The following CRACD variants were observed in gnomAD, a reference collection of about 807,000 sequenced individuals.
CRACD encodes capping protein inhibiting regulator of actin dynamics.
In CRACD, 56 loss-of-function variants were observed where a neutral mutation model predicts 106.8. The observed-to-expected ratio is 0.52, with a 90% CI of 0.42 to 0.66. The LOEUF (loss-of-function observed/expected upper bound fraction) is 0.66. Among genes scored for constraint, CRACD ranks in the 30% least tolerant of loss-of-function variants. CRACD has a pLI of 0.00. For missense variants in CRACD, 1,730 were observed against 1,623.2 expected (o/e 1.07, Z -1.13); for synonymous variants, 754 against 670.8 (o/e 1.12, Z -1.92).
intron 4 of CRACD, 46 bp downstream of exon 4, chr4:56,298,395 G>A: frequency 6.2e-7 from 1 of 1,604,494 alleles, no homozygotes; most frequent in South Asian, 1.1e-5. Flanking sequence ...GAGGGGCCCA[G>A]TTATGAAGGG....
chr4:56,243,133 A>G lies in CRACD; in HGVS notation c.-188-29188A>G, dbSNP rs192222440. Among the ~76,000 whole-genome samples the G allele has an allele frequency of 3.3e-5, 5 of 152,292 alleles. No individual in the cohort carries two copies. The East Asian group carries it at 9.6e-4, about 29-fold the overall frequency. On this transcript the variant is annotated intron_variant, in intron 2 of 10. Coordinates refer to ENST00000682029, the MANE Select transcript of CRACD (RefSeq NM_001393381.1). ...GAGTCTGCCTCTTCCAGATTCCCCT[A>G]CAGTGGGCTGTGTCCACCAGCTAAA... is the stretch of plus-strand genomic sequence containing the variant.
At chr4:56,145,199 A>G (rs1735340062) in intron 1 of CRACD, among the ~76,000 whole-genome samples, 1 of 152,162 alleles carries the variant, frequency 6.6e-6, no homozygotes, top group Non-Finnish European at 1.5e-5. Flanking sequence ...CAAGTGCTCC[A>G]TATTCATATT....
intron 1 of CRACD, among the ~76,000 whole-genome samples, chr4:56,112,596 G>A (rs887362541): frequency 6.6e-6 from 1 of 152,032 alleles, no homozygotes; most frequent in Non-Finnish European, 1.5e-5. Flanking sequence ...TTCATCCCTC[G>A]GCTCCCCCTG....
At chr4:56,279,916 G>A (rs976002449) in intron 3 of CRACD, among the ~76,000 whole-genome samples, 35 of 152,008 alleles carry the variant, frequency 2.3e-4, no homozygotes, top group East Asian at 1.9e-3. Context: ...ATGATAGACT[G>A]GATTAAGAAA....
chr4:56,315,506 G>C lies in CRACD; in HGVS notation c.2004G>C (p.Trp668Cys), dbSNP rs1745558003. ...GCAGCGCGTCCGCACTCGCAGAATG[G>C]GCTTCCATTCGGTCCAGAATCCTGA... ...SPSSASALAE[W>C]ASIRSRILKN... The change falls in exon 8 of 11, where the codon TGG (tryptophan) becomes TGC (cysteine). Residue 668 changes from tryptophan (W) to cysteine (C), a missense_variant. Coordinates refer to ENST00000682029, the MANE Select transcript of CRACD (RefSeq NM_001393381.1). This position sits in a 1 kb window ranked among gnomAD's most constrained non-coding sequence, Gnocchi z 4.1. The C allele has an allele frequency of 6.2e-7, 1 of 1,613,758 alleles. No individual in the cohort carries two copies. Among genetic ancestry groups the C allele is most frequent in the South Asian group, 1.1e-5 (1 of 91,084 alleles).
At chr4:56,146,624 A>G (rs1735391558) in intron 1 of CRACD, among the ~76,000 whole-genome samples, 1 of 145,354 alleles carries the variant, frequency 6.9e-6, no homozygotes, top group East Asian at 2.0e-4. Context: ...TAAAAATCTC[A>G]CCCTGACGGC....
At chr4:56,191,693 C>T (rs888611573) in intron 2 of CRACD, among the ~76,000 whole-genome samples, 17 of 152,194 alleles carry the variant, frequency 1.1e-4, no homozygotes, top group African/African-American at 3.4e-4. Context: ...GCAGTCAGGG[C>T]GTTTGCCTCC....
intron 1 of CRACD, among the ~76,000 whole-genome samples, chr4:56,081,121 G>A (rs1733006813): frequency 6.6e-6 from 1 of 152,184 alleles, no homozygotes; most frequent in South Asian, 2.1e-4. Context: ...GCCACCCAAG[G>A]TGTTGGGATT....
chr4:56,315,834 A>T lies in CRACD; in HGVS notation c.2332A>T (p.Met778Leu). 6.2e-7 allele frequency: 1 copy of T among 1,614,176 alleles called. No individual in the cohort carries two copies. The highest frequency in any genetic ancestry group is 1.1e-5 in the South Asian group (1 of 91,082). Residue 778 changes from methionine to leucine, a missense_variant, in exon 8 of 11, where the codon ATG becomes TTG. Around this residue, in one of 5 missense-constraint regions of CRACD, gnomAD observed 1,620 missense variants for 1,481.6 expected, o/e 1.09. Coordinates refer to ENST00000682029, the MANE Select transcript of CRACD (RefSeq NM_001393381.1). The surrounding 1 kb of genome is among the most constrained non-coding windows in gnomAD (Gnocchi z 4.1). ...ELGKGPEKSEMHREPADTTEG... is the reference protein window; with the variant it reads ...ELGKGPEKSELHREPADTTEG... ...CGGGAAGGGTCCGGAGAAGTCGGAG[A>T]TGCACCGGGAGCCCGCAGACACCAC...
intron 7 of CRACD, among the ~76,000 whole-genome samples, 197 bp downstream of exon 7, chr4:56,313,576 C>T (rs1361785296): frequency 5.3e-5 from 8 of 152,192 alleles, no homozygotes; most frequent in Admixed American, 5.2e-4. Context: ...GGCTGGTGGA[C>T]CTCAGAGGGA....
intron 1 of CRACD, among the ~76,000 whole-genome samples, chr4:56,108,461 G>A (rs1294012707): frequency 6.6e-6 from 1 of 152,308 alleles, no homozygotes; most frequent in African/African-American, 2.4e-5. Context: ...GTCATGTAGG[G>A]ACAAGCCCTA....
chr4:56,092,437 T>C (rs931150904), intron 1 of CRACD, among the ~76,000 whole-genome samples: 2 of 152,148 alleles, frequency 1.3e-5, no homozygotes, highest in South Asian at 2.1e-4. Context: ...CTAGTCCAAA[T>C]TGAAGCATTC....
chr4:56,134,527 T>C (rs897216738), intron 1 of CRACD, among the ~76,000 whole-genome samples: 1 of 152,218 alleles, frequency 6.6e-6, no homozygotes, highest in Non-Finnish European at 1.5e-5. Flanking sequence ...CAAGCAGCTC[T>C]GTCTGAGAGA....
chr4:56,256,107 A>G (rs1391134065), intron 2 of CRACD, among the ~76,000 whole-genome samples: 1 of 152,190 alleles, frequency 6.6e-6, no homozygotes, highest in Non-Finnish European at 1.5e-5. Context: ...AACTACTGAT[A>G]TGGTTTGGCT....
At chr4:56,089,825 G>A (rs1380251029) in intron 1 of CRACD, among the ~76,000 whole-genome samples, 1 of 152,008 alleles carries the variant, frequency 6.6e-6, no homozygotes, top group African/African-American at 2.4e-5. Flanking sequence ...AGGATTTTAT[G>A]GTCTGTGACA....
chr4:56,092,714 A>T (rs1733462349), intron 1 of CRACD, among the ~76,000 whole-genome samples: 1 of 151,954 alleles, frequency 6.6e-6, no homozygotes. Flanking sequence ...TGATCCTCCC[A>T]CTTCAGTCTT....
intron 1 of CRACD, among the ~76,000 whole-genome samples, chr4:56,075,846 A>G (rs1362166084): frequency 1.3e-5 from 2 of 152,198 alleles, no homozygotes; most frequent in African/African-American, 4.8e-5. Flanking sequence ...ATACTCTGTC[A>G]TATGGGTTTA....
intron 2 of CRACD, among the ~76,000 whole-genome samples, chr4:56,222,780 T>C (rs1043161075): frequency 6.6e-6 from 1 of 151,488 alleles, no homozygotes; most frequent in Non-Finnish European, 1.5e-5. Context: ...CCATCTCTAC[T>C]GAAAAACAAA....
intron 10 of CRACD, among the ~76,000 whole-genome samples, chr4:56,326,708 G>A (rs1199461244): frequency 1.3e-5 from 2 of 151,890 alleles, no homozygotes; most frequent in Admixed American, 1.3e-4. Context: ...CAGAGGTAGA[G>A]GCACCCAGTG....
Sources: allele counts gnomAD v4.1 joint callset (sites outside exome capture counted in the v4.1 genomes callset), GRCh38; gene constraint gnomAD v4.1.1; regional missense constraint gnomAD v4.1.1; non-coding constraint Gnocchi (gnomAD v3.1); transcripts MANE v1.5; gene names NCBI Gene and HGNC (gene_info 2026-07-23, HGNC 2026-07-21).